GALNT14: variants seen among roughly 807,000 people sequenced by gnomAD.
The protein encoded by GALNT14 is UDP-GalNAc:polypeptide N-acetylgalactosaminyltransferase 14.
GALNT14 carries 60 observed loss-of-function variants against 77.5 expected under a neutral mutation model. That is an observed-to-expected ratio of 0.77 (90% CI 0.63 to 0.96). The LOEUF is 0.96. Ranked by LOEUF, GALNT14 falls within the 40% of genes least tolerant of loss-of-function variation. GALNT14 has a pLI of 0.00. For missense variants in GALNT14, 710 were observed against 731.0 expected (o/e 0.97, Z 0.33); for synonymous variants, 280 against 281.7 (o/e 0.99, Z 0.06).
chr2:31,015,613 C>T (rs932030270), intron 1 of GALNT14, among the ~76,000 whole-genome samples: 1 of 152,172 alleles, frequency 6.6e-6, no homozygotes, highest in African/African-American at 2.4e-5. Context: ...GCCAAGCAAT[C>T]AAGATTAACA....
intron 13 of GALNT14, among the ~76,000 whole-genome samples, chr2:30,923,475 G>A (rs1216852372): frequency 3.3e-5 from 5 of 152,172 alleles, no homozygotes; most frequent in Admixed American, 6.5e-5. Flanking sequence ...ATGGCAGGGA[G>A]GGGGAGATAC....
At chr2:31,054,749 T>C (rs1209185336) in intron 1 of GALNT14, among the ~76,000 whole-genome samples, 1 of 152,202 alleles carries the variant, frequency 6.6e-6, no homozygotes, top group Non-Finnish European at 1.5e-5. Context: ...GTCACATTTC[T>C]TTGCCTTTGA....
chr2:31,127,037 T>G (rs931412516), intron 1 of GALNT14, among the ~76,000 whole-genome samples: 4 of 152,188 alleles, frequency 2.6e-5, no homozygotes, highest in African/African-American at 9.7e-5. Context: ...TCAGTTCAGA[T>G]CTTTCTTTTT....
intron 1 of GALNT14, among the ~76,000 whole-genome samples, chr2:31,045,972 G>A (rs961098319): frequency 6.6e-6 from 1 of 151,994 alleles, no homozygotes; most frequent in African/African-American, 2.4e-5. Flanking sequence ...CCAATCCTTT[G>A]TGGAATAAAG....
intron 1 of GALNT14, chr2:31,079,132 A>T: frequency 9.1e-7 from 1 of 1,103,572 alleles, no homozygotes; most frequent in Non-Finnish European, 1.2e-6. Flanking sequence ...CACCTTTGGG[A>T]CACCAGCTTG....
intron 9 of GALNT14, 76 bp from the exon 10 acceptor site, chr2:30,932,270 C>CG: frequency 7.5e-7 from 1 of 1,324,682 alleles, no homozygotes; most frequent in Non-Finnish European, 9.9e-7. Context: ...TCTAATGAAA[C>CG]GGTGAGGCCC....
At chr2:30,986,161 T>A (rs890494674) in intron 2 of GALNT14, among the ~76,000 whole-genome samples, 2 of 152,184 alleles carry the variant, frequency 1.3e-5, no homozygotes, top group African/African-American at 4.8e-5. Context: ...CCCCACTGTC[T>A]GAGCCATTTA....
chr2:30,912,554 GA>G lies in GALNT14; in HGVS notation c.1381-213del, dbSNP rs561014395. 5.3e-3 allele frequency among the ~76,000 whole-genome samples: 808 copies of G among 152,344 alleles called. 8 individuals carry two copies. Among genetic ancestry groups the G allele is most frequent in the Non-Finnish European group, 4.6e-3 (310 of 68,034 alleles). ...CCATGGAAATCTCCATCCACCCCATGAAGGGGCCTGGGCCTGGGCCATTCAG... is the reference window on the plus strand; with the variant it reads ...CCATGGAAATCTCCATCCACCCCATGAGGGGCCTGGGCCTGGGCCATTCAG... On this transcript the variant is annotated intron_variant, in intron 13 of 14. Coordinates refer to ENST00000349752, the MANE Select transcript of GALNT14 (RefSeq NM_024572.4).
At position 30,989,579 on chromosome 2, in the gene GALNT14, T is replaced by TATATATATATATATACAC. The variant is rs1553351610; in HGVS notation, c.299+3258_299+3259insGTGTATATATATATATAT. 3.1e-4 allele frequency among the ~76,000 whole-genome samples: 39 copies of TATATATATATATATACAC among 127,188 alleles called. No homozygotes were observed. The South Asian group carries it at 9.0e-3, about 29-fold the overall frequency. The allele number at this position is 127,188 out of a possible 152,430, so 83.4% of individuals were successfully genotyped here. Reference sequence around the variant, plus strand: ...AATACCTTATATATATATATATATATATAAAAATATATATATTAGTAGATA... The same window carrying TATATATATATATATACAC: ...AATACCTTATATATATATATATATATATATATATATATATACACATAAAAATATATATATTAGTAGATA... On this transcript the variant is annotated intron_variant, in intron 2 of 14. Transcript: ENST00000349752.
intron 1 of GALNT14, among the ~76,000 whole-genome samples, chr2:31,087,022 G>C (rs931995053): frequency 3.3e-5 from 5 of 152,208 alleles, no homozygotes; most frequent in Admixed American, 3.3e-4. Flanking sequence ...AGGCAGCATG[G>C]GGGAATGTGG....
intron 2 of GALNT14, among the ~76,000 whole-genome samples, chr2:30,969,549 C>T (rs558084295): frequency 5.3e-5 from 8 of 152,330 alleles, no homozygotes; most frequent in Middle Eastern, 3.4e-3. Flanking sequence ...CATGCACACA[C>T]GCAGTTACGC....
At chr2:30,990,912 T>C (rs1227449692) in intron 2 of GALNT14, among the ~76,000 whole-genome samples, 2 of 152,146 alleles carry the variant, frequency 1.3e-5, no homozygotes, top group Non-Finnish European at 2.9e-5. Flanking sequence ...CTTGCTGTAA[T>C]CCCAGCAGAT....
At chr2:30,923,929 T>G (rs545503258) in intron 13 of GALNT14, among the ~76,000 whole-genome samples, 190 bp downstream of exon 13, 2 of 152,208 alleles carry the variant, frequency 1.3e-5, no homozygotes, top group African/African-American at 4.8e-5. Context: ...AGGAACTCTA[T>G]GCACTTGGAA....
At chr2:30,911,729 A>G (rs1440207645) in intron 14 of GALNT14, among the ~76,000 whole-genome samples, 1 of 152,224 alleles carries the variant, frequency 6.6e-6, no homozygotes, top group East Asian at 1.9e-4. Context: ...TAAAACAGGC[A>G]TTTGAATCTT....
intron 3 of GALNT14, among the ~76,000 whole-genome samples, chr2:30,961,863 TG>T (rs973616151): frequency 2.0e-5 from 3 of 151,874 alleles, no homozygotes; most frequent in Admixed American, 6.6e-5. Context: ...TTGGTTTTTT[TG>T]TTTTTTTTAG....
chr2:31,022,569 C>T (rs1671787725), intron 1 of GALNT14, among the ~76,000 whole-genome samples: 1 of 152,192 alleles, frequency 6.6e-6, no homozygotes, highest in Admixed American at 6.5e-5. Flanking sequence ...CGTCTTCCCA[C>T]TTAGCACATG....
chr2:31,116,669 T>C (rs775742786), intron 1 of GALNT14, among the ~76,000 whole-genome samples: 2 of 152,136 alleles, frequency 1.3e-5, no homozygotes, highest in Non-Finnish European at 2.9e-5. Flanking sequence ...AAAAATGACA[T>C]AAACCAAGAA....
chr2:31,079,743 G>C (rs1452908562), intron 1 of GALNT14, among the ~76,000 whole-genome samples: 1 of 152,196 alleles, frequency 6.6e-6, no homozygotes, highest in Non-Finnish European at 1.5e-5. Flanking sequence ...GGTGGTATCA[G>C]ATAAGAGCAC....
At chr2:30,953,941 T>C (rs57136599) in intron 6 of GALNT14, among the ~76,000 whole-genome samples, 2,859 of 152,254 alleles carry the variant, frequency 0.019, 36 homozygotes, top group East Asian at 0.055. Context: ...ACAGGCAGGG[T>C]GGCCACAAGG....
Sources: allele counts gnomAD v4.1 joint callset (sites outside exome capture counted in the v4.1 genomes callset), GRCh38; gene constraint gnomAD v4.1.1; transcripts MANE v1.5; gene names NCBI Gene and HGNC (gene_info 2026-07-23, HGNC 2026-07-21).